Variants in ATXN1 observed in about 807,000 individuals in gnomAD.
ATXN1 encodes the protein ataxin-1.
Under a neutral mutation model 56.4 loss-of-function variants are expected in ATXN1, and 8 were observed. The ratio of observed to expected loss-of-function variants is 0.14; its 90% CI spans 0.08 to 0.26. The LOEUF is 0.26. Among genes scored for constraint, ATXN1 ranks in the 10% least tolerant of loss-of-function variants. The probability of loss-of-function intolerance (pLI) is 1.00; values close to 1 mark genes in which losing one functional copy is unlikely to be tolerated. For synonymous variants in ATXN1, 514 were observed against 494.6 expected (o/e 1.04, Z -0.52); for missense variants, 987 against 1,106.5 (o/e 0.89, Z 1.53).
intron 3 of ATXN1, chr6:16,616,171 C>CTCCTGG (rs1411946859): frequency 1.4e-4 from 22 of 152,162 alleles, no homozygotes; most frequent in African/African-American, 5.1e-4. Context: ...ACAAAATTAT[C>CTCCTGG]ATTATTGGAA....
intron 6 of ATXN1, among the ~76,000 whole-genome samples, chr6:16,441,380 A>C (rs576420957): frequency 3.1e-4 from 47 of 152,290 alleles, no homozygotes; most frequent in Non-Finnish European, 6.2e-4. Context: ...CCTAGACACT[A>C]GAAAATATTT....
At position 16,608,783 on chromosome 6, in the gene ATXN1, G is replaced by T. The variant is rs76793969; in HGVS notation, c.-488-22876C>A. Among the ~76,000 whole-genome samples, 965 of 152,326 alleles carry T rather than the reference G, an allele frequency of 6.3e-3. 11 individuals carry two copies. The highest frequency in any genetic ancestry group is 0.031 in the East Asian group (163 of 5,188). ...GTGTAGCTTACAATATACAAAAGCT[G>T]TGTGTCTGACAATCTACGTGTAAGC... On this transcript the variant is annotated intron_variant, in intron 3 of 7. Coordinates refer to ENST00000436367, the MANE Select transcript of ATXN1 (RefSeq NM_001128164.2).
intron 2 of ATXN1, among the ~76,000 whole-genome samples, chr6:16,744,678 G>C (rs144282025): frequency 2.0e-5 from 3 of 152,282 alleles, no homozygotes; most frequent in Non-Finnish European, 4.4e-5. Context: ...ACTTCAACAG[G>C]AAACAGTTCC....
rs539796955 is a variant in ATXN1 at position 16,711,934 on chromosome 6, A to C, written c.-615+41299T>G. Among the ~76,000 whole-genome samples the C allele has an allele frequency of 3.3e-5, 5 of 151,988 alleles. No homozygotes were observed. The South Asian group carries it at 8.3e-4, about 25-fold the overall frequency. On this transcript the variant is annotated intron_variant, in intron 2 of 7. Coordinates refer to ENST00000436367, the MANE Select transcript of ATXN1 (RefSeq NM_001128164.2). ...TGCAACAATACAGATGATCTCAAAAATGATATGCTGAACAAAAGAAAGCAG... is the reference window on the plus strand; with the variant it reads ...TGCAACAATACAGATGATCTCAAAACTGATATGCTGAACAAAAGAAAGCAG...
Position 16,317,845 on chromosome 6 carries a change from A to G in ATXN1, c.1917+8549T>C, listed in dbSNP as rs561228831. ...TCCATCCCCCTAAATCGACTCCTCT[A>G]GAACTGTCACCTCCAACTCCCATTT... On this transcript the variant is annotated intron_variant, in intron 7 of 7. Coordinates refer to ENST00000436367, the MANE Select transcript of ATXN1 (RefSeq NM_001128164.2). 3.3e-5 allele frequency among the ~76,000 whole-genome samples: 5 copies of G among 152,244 alleles called. No homozygotes were observed. In the South Asian group the frequency reaches 1.0e-3, roughly 32 times the overall value.
chr6:16,309,460 G>A (rs1055452349), intron 7 of ATXN1, among the ~76,000 whole-genome samples: 4 of 151,894 alleles, frequency 2.6e-5, no homozygotes, highest in African/African-American at 9.7e-5. Context: ...TGGAGGAGAG[G>A]GTAAGAGACA....
intron 2 of ATXN1, among the ~76,000 whole-genome samples, chr6:16,693,640 T>C (rs576220247): frequency 1.3e-5 from 2 of 152,094 alleles, no homozygotes; most frequent in African/African-American, 4.8e-5. Context: ...ACTACCTCCT[T>C]CTGCACACCC....
chr6:16,359,100 G>A (rs1425626470), intron 6 of ATXN1, among the ~76,000 whole-genome samples: 1 of 152,222 alleles, frequency 6.6e-6, no homozygotes, highest in East Asian at 1.9e-4. Context: ...GCCTCTCTCC[G>A]TTCCAGGCAC....
chr6:16,443,875 G>A (rs1414393601), intron 6 of ATXN1, among the ~76,000 whole-genome samples: 1 of 152,136 alleles, frequency 6.6e-6, no homozygotes, highest in East Asian at 1.9e-4. Flanking sequence ...CCAGCACTTT[G>A]GGAGGCCAAG....
chr6:16,400,456 T>C (rs929242877), intron 6 of ATXN1, among the ~76,000 whole-genome samples: 7 of 152,034 alleles, frequency 4.6e-5, no homozygotes, highest in Non-Finnish European at 8.8e-5. Context: ...GGCCATTGGC[T>C]TCCATTTATT....
chr6:16,446,032 T>C (rs963742402), intron 6 of ATXN1, among the ~76,000 whole-genome samples: 8 of 152,002 alleles, frequency 5.3e-5, no homozygotes, highest in African/African-American at 1.2e-4. Flanking sequence ...CCTTTGGGTA[T>C]ATACCCAGTA....
At chr6:16,473,192 ATTTTACCT>A (rs1760253608) in intron 6 of ATXN1, among the ~76,000 whole-genome samples, 2 of 152,040 alleles carry the variant, frequency 1.3e-5, no homozygotes, top group Non-Finnish European at 2.9e-5. Flanking sequence ...CCCTCCCTCA[ATTTTACCT>A]ATAAAAGATA....
intron 6 of ATXN1, among the ~76,000 whole-genome samples, chr6:16,408,827 A>G (rs957922785): frequency 6.6e-6 from 1 of 152,126 alleles, no homozygotes; most frequent in African/African-American, 2.4e-5. Flanking sequence ...TGCAGCCTCA[A>G]TCTCCTGGGT....
At position 16,328,609 on chromosome 6, in the gene ATXN1, A is replaced by G. The variant is rs938788183; in HGVS notation, c.-160-139T>C. The G allele has an allele frequency of 3.4e-6, 1 of 294,660 alleles. No homozygotes were observed. The highest frequency in any genetic ancestry group is 6.1e-6 in the Non-Finnish European group (1 of 165,028). The allele number at this position is 294,660 out of a possible 1,614,324, so 18.3% of individuals were successfully genotyped here. On this transcript the variant is annotated intron_variant, in intron 6 of 7. Coordinates refer to ENST00000436367, the MANE Select transcript of ATXN1 (RefSeq NM_001128164.2). This position sits in a 1 kb window ranked among gnomAD's most constrained non-coding sequence, Gnocchi z 6.2. ...AGACTAGGCCCTGGACTCGGTGTGA[A>G]CTCCCATAACCCAATCATACCCCAA...
chr6:16,589,004 C>T lies in ATXN1; in HGVS notation c.-488-3097G>A, dbSNP rs377536890. Among the ~76,000 whole-genome samples the T allele has an allele frequency of 1.3e-3, 196 of 152,210 alleles. 1 individual carries two copies. The highest frequency in any genetic ancestry group is 4.4e-3 in the African/African-American group (183 of 41,524). On this transcript the variant is annotated intron_variant, in intron 3 of 7. Transcript: ENST00000436367. ...TGCTGCACTTGACCCTCAGCACCTC[C>T]AAGTCCCTCCCTGTAGCTCCCTGAC...
At chr6:16,686,681 A>C (rs1306236928) in intron 2 of ATXN1, among the ~76,000 whole-genome samples, 2 of 152,246 alleles carry the variant, frequency 1.3e-5, no homozygotes, top group African/African-American at 4.8e-5. Flanking sequence ...AAAAGCAAGA[A>C]ACCGTAAGAG....
chr6:16,533,832 T>C lies in ATXN1; in HGVS notation c.-360-11144A>G, dbSNP rs915069415. On this transcript the variant is annotated intron_variant, in intron 4 of 7. Transcript: ENST00000436367. ...TAATTCGGCATAACACTTAACACCA[T>C]ATACCATGCACAAGAGGTGACTTCA... is the stretch of plus-strand genomic sequence containing the variant. 3.9e-5 allele frequency among the ~76,000 whole-genome samples: 6 copies of C among 152,144 alleles called. No homozygotes were observed. In the East Asian group the frequency reaches 9.6e-4, roughly 24 times the overall value.
intron 6 of ATXN1, among the ~76,000 whole-genome samples, chr6:16,341,226 G>A (rs1273732653): frequency 6.6e-6 from 1 of 152,220 alleles, no homozygotes; most frequent in Admixed American, 6.5e-5. Flanking sequence ...GTTTCACTGT[G>A]TTTGTGGTCA....
intron 6 of ATXN1, among the ~76,000 whole-genome samples, chr6:16,415,837 T>C (rs1348687916): frequency 2.6e-5 from 4 of 152,206 alleles, no homozygotes; most frequent in African/African-American, 9.6e-5. Flanking sequence ...ATCTGGATCC[T>C]TCATGCTGTA....
Sources: allele counts gnomAD v4.1 joint callset (sites outside exome capture counted in the v4.1 genomes callset), GRCh38; gene constraint gnomAD v4.1.1; non-coding constraint Gnocchi (gnomAD v3.1); transcripts MANE v1.5; gene names NCBI Gene and HGNC (gene_info 2026-07-23, HGNC 2026-07-21).